Variants in SCAPER observed in about 807,000 individuals in gnomAD.
SCAPER encodes the protein S-phase cyclin A associated protein in the ER.
Under a neutral mutation model 182.2 loss-of-function variants are expected in SCAPER, and 98 were observed. That is an observed-to-expected ratio of 0.54 (90% CI 0.46 to 0.64). The LOEUF (loss-of-function observed/expected upper bound fraction) is 0.64. Ranked by LOEUF, SCAPER falls within the 30% of genes least tolerant of loss-of-function variation. SCAPER has a pLI of 0.00. For missense variants in SCAPER, 1,432 were observed against 1,690.0 expected (o/e 0.85, Z 2.68); for synonymous variants, 605 against 564.6 (o/e 1.07, Z -1.01).
rs139763087 is a variant in SCAPER, at chr15:76,871,135, C to T, written c.7-8602G>A. On this transcript the variant is annotated intron_variant, in intron 2 of 31. Transcript: ENST00000563290. Reference sequence around the variant, plus strand: ...TTTAAAAACTAATAAAAGGGACAGGCGCCGTGCCTCATGCCTGTAATCCCA... The same window carrying T: ...TTTAAAAACTAATAAAAGGGACAGGTGCCGTGCCTCATGCCTGTAATCCCA... Among the ~76,000 whole-genome samples the T allele has an allele frequency of 1.0e-3, 154 of 152,152 alleles. 1 individual carries two copies. The highest frequency in any genetic ancestry group is 3.6e-3 in the African/African-American group (148 of 41,526).
intron 25 of SCAPER, among the ~76,000 whole-genome samples, chr15:76,447,497 A>G (rs1427173804): frequency 6.6e-6 from 1 of 152,116 alleles, no homozygotes; most frequent in Non-Finnish European, 1.5e-5. Context: ...TGTGGGTATG[A>G]TGCTACCTTC....
Position 76,432,212 on chromosome 15 carries a change from G to A in SCAPER, c.3311+1866C>T, listed in dbSNP as rs554660153. ...CAGCAGAGAGGGCAAATTCTACAAC[G>A]ACCAAAAGGACATGGGGAATTGAAT... On this transcript the variant is annotated intron_variant, in intron 26 of 31. Transcript: ENST00000563290. Among the ~76,000 whole-genome samples the A allele has an allele frequency of 4.6e-5, 7 of 152,316 alleles. No homozygotes were observed. The South Asian group carries it at 1.2e-3, about 27-fold the overall frequency.
intron 21 of SCAPER, among the ~76,000 whole-genome samples, chr15:76,623,019 T>C (rs910881252): frequency 6.6e-6 from 1 of 152,170 alleles, no homozygotes; most frequent in African/African-American, 2.4e-5. Flanking sequence ...CGTGAGCATT[T>C]TTTATGTCTC....
chr15:76,858,104 ACTG>A (rs1328280502), intron 3 of SCAPER, among the ~76,000 whole-genome samples: 1 of 152,170 alleles, frequency 6.6e-6, no homozygotes, highest in Admixed American at 6.5e-5. Context: ...AGTCCCAGAG[ACTG>A]CTATTATTGA....
intron 26 of SCAPER, among the ~76,000 whole-genome samples, chr15:76,433,779 A>G (rs2047017032): frequency 1.3e-5 from 2 of 152,206 alleles, no homozygotes; most frequent in African/African-American, 4.8e-5. Flanking sequence ...ATCATTGAGC[A>G]TGTATTACTT....
intron 26 of SCAPER, 74 bp downstream of exon 26, chr15:76,434,004 G>C: frequency 1.6e-6 from 2 of 1,248,084 alleles, no homozygotes; most frequent in Non-Finnish European, 1.1e-6. Flanking sequence ...CCATCACATG[G>C]GCCTTGAGAT....
chr15:76,424,404 G>C (rs186104631), intron 26 of SCAPER, among the ~76,000 whole-genome samples: 1 of 152,128 alleles, frequency 6.6e-6, no homozygotes, highest in Non-Finnish European at 1.5e-5. Flanking sequence ...ATCTTTGTTG[G>C]CTTAAAGTCT....
chr15:76,710,379 G>A (rs2059496492), intron 17 of SCAPER, among the ~76,000 whole-genome samples: 1 of 151,922 alleles, frequency 6.6e-6, no homozygotes, highest in Non-Finnish European at 1.5e-5. Flanking sequence ...GAGTTTATAA[G>A]GACTTAACTC....
At chr15:76,603,194 C>A (rs2050059153) in intron 22 of SCAPER, among the ~76,000 whole-genome samples, 1 of 118,610 alleles carries the variant, frequency 8.4e-6, no homozygotes, top group Admixed American at 9.8e-5. Flanking sequence ...CTTCCTCCCA[C>A]CCCACAACAG....
rs779364337 is a variant in SCAPER at position 76,800,326 on chromosome 15, G to A, written c.533C>T (p.Pro178Leu). 3.5e-5 allele frequency: 57 copies of A among 1,612,674 alleles called. No individual in the cohort carries two copies. Among genetic ancestry groups the A allele is most frequent in the Non-Finnish European group, 4.2e-5 (50 of 1,179,328 alleles). Reference protein sequence around the residue: ...SLAWEVKKMSPGRHVIPSPST... With the variant: ...SLAWEVKKMSLGRHVIPSPST... ...TGGACTTGGAATCACATGGCGTCCCGGAGACATCTTCTTTACTTCCCATGC... is the reference window on the plus strand; with the variant it reads ...TGGACTTGGAATCACATGGCGTCCCAGAGACATCTTCTTTACTTCCCATGC... The change falls in exon 7 of 32, where the codon CCG becomes CTG. Residue 178 changes from proline (P) to leucine (L), a missense_variant. Physicochemically the swap from Pro to Leu is moderately conservative, Grantham distance 98 (BLOSUM62 -3). Transcript: ENST00000563290.
At chr15:76,446,968 C>G (rs543282541) in intron 25 of SCAPER, among the ~76,000 whole-genome samples, 1 of 152,270 alleles carries the variant, frequency 6.6e-6, no homozygotes, top group South Asian at 2.1e-4. Flanking sequence ...CATTGTACAA[C>G]AGACTCTGTT....
chr15:76,820,099 G>C (rs577664292), intron 5 of SCAPER, among the ~76,000 whole-genome samples: 26 of 152,148 alleles, frequency 1.7e-4, no homozygotes, highest in Non-Finnish European at 2.9e-4. Context: ...ACAGGTGCTG[G>C]AGAGGATGTG....
At chr15:76,741,889 G>C (rs2061558806) in intron 15 of SCAPER, among the ~76,000 whole-genome samples, 1 of 152,114 alleles carries the variant, frequency 6.6e-6, no homozygotes, top group South Asian at 2.1e-4. Flanking sequence ...CTAGAGCTCA[G>C]TTGAAGGTAG....
In SCAPER at chr15:76,712,780, A is replaced by G. The variant is rs576580000; in HGVS notation, c.2166-6796T>C. On this transcript the variant is annotated intron_variant, in intron 17 of 31. Transcript: ENST00000563290. Reference sequence around the variant, plus strand: ...ATAAGAATGCTTGTGATTTTTGTACATTGATTTTGTATCCTGAGACTTTGC... The same window carrying G: ...ATAAGAATGCTTGTGATTTTTGTACGTTGATTTTGTATCCTGAGACTTTGC... Among the ~76,000 whole-genome samples the G allele has an allele frequency of 2.2e-4, 33 of 151,976 alleles. 1 individual carries two copies. The South Asian group carries it at 5.6e-3, about 26-fold the overall frequency.
At chr15:76,550,179 T>C (rs114883145) in intron 23 of SCAPER, among the ~76,000 whole-genome samples, 1,729 of 152,168 alleles carry the variant, frequency 0.011, 39 homozygotes, top group African/African-American at 0.038. Flanking sequence ...TGAACAGACA[T>C]TTCTTCTTTT....
At chr15:76,711,694 T>G (rs1321133092) in intron 17 of SCAPER, among the ~76,000 whole-genome samples, 1 of 152,216 alleles carries the variant, frequency 6.6e-6, no homozygotes, top group Non-Finnish European at 1.5e-5. Context: ...CCAGTGATGA[T>G]GAGCACTTTT....
At chr15:76,778,449 A>G (rs2063878285) in intron 8 of SCAPER, among the ~76,000 whole-genome samples, 1 of 152,132 alleles carries the variant, frequency 6.6e-6, no homozygotes, top group Middle Eastern at 3.2e-3. Context: ...TCAAAAGAGA[A>G]TCAAAAAAAC....
intron 27 of SCAPER, among the ~76,000 whole-genome samples, chr15:76,384,435 G>A (rs930151223): frequency 5.3e-5 from 8 of 152,052 alleles, no homozygotes; most frequent in Non-Finnish European, 1.0e-4. Flanking sequence ...TTCCTCTTCC[G>A]AAGAATATGT....
intron 26 of SCAPER, among the ~76,000 whole-genome samples, chr15:76,433,773 T>A (rs542796765): frequency 6.6e-6 from 1 of 152,236 alleles, no homozygotes; most frequent in Non-Finnish European, 1.5e-5. Context: ...GTGTTTATCA[T>A]TGAGCATGTA....
Sources: allele counts gnomAD v4.1 joint callset (sites outside exome capture counted in the v4.1 genomes callset), GRCh38; gene constraint gnomAD v4.1.1; transcripts MANE v1.5; gene names NCBI Gene and HGNC (gene_info 2026-07-23, HGNC 2026-07-21).